The following TTC6 variants were observed in gnomAD, a reference collection of about 807,000 sequenced individuals.
TTC6 encodes the protein tetratricopeptide repeat protein 6.
Under a neutral mutation model 210.4 loss-of-function variants are expected in TTC6, and 172 were observed. The ratio of observed to expected loss-of-function variants is 0.82; its 90% confidence interval spans 0.72 to 0.93. The LOEUF (loss-of-function observed/expected upper bound fraction) is 0.93, where lower values mean the gene tolerates loss of function less well. Ranked by LOEUF, TTC6 falls within the 40% of genes least tolerant of loss-of-function variation. TTC6 has a pLI of 0.00. For synonymous variants in TTC6, 804 were observed against 819.6 expected (o/e 0.98, Z 0.32); for missense variants, 2,414 against 2,318.1 (o/e 1.04, Z -0.85).
chr14:37,725,461 C>T (rs2095871240), intron 7 of TTC6, among the ~76,000 whole-genome samples: 1 of 150,590 alleles, frequency 6.6e-6, no homozygotes, highest in South Asian at 2.1e-4. Context: ...AGCAATTCTC[C>T]TGCCTCAGCC....
At chr14:37,676,324 GT>G (rs983941742) in intron 1 of TTC6, among the ~76,000 whole-genome samples, 1 of 151,890 alleles carries the variant, frequency 6.6e-6, no homozygotes, top group Non-Finnish European at 1.5e-5. Context: ...TCTTTCTGTT[GT>G]TTTTTTCTAC....
intron 1 of TTC6, among the ~76,000 whole-genome samples, chr14:37,605,173 A>C (rs1453000617): frequency 6.6e-6 from 1 of 152,226 alleles, no homozygotes; most frequent in Non-Finnish European, 1.5e-5. Flanking sequence ...TCAGATATAG[A>C]TATGTCTGCT....
At chr14:37,692,285 A>G (rs527994206) in intron 3 of TTC6, among the ~76,000 whole-genome samples, 17 of 150,396 alleles carry the variant, frequency 1.1e-4, no homozygotes, top group African/African-American at 4.1e-4. Flanking sequence ...ATATTGTTGG[A>G]AAAATTCTCA....
intron 1 of TTC6, among the ~76,000 whole-genome samples, chr14:37,627,465 C>G (rs113079225): frequency 1.1e-3 from 160 of 152,064 alleles, no homozygotes; most frequent in African/African-American, 3.6e-3. Context: ...CCCCCCACCC[C>G]CTGACAGGCC....
chr14:37,805,660 A>G (rs1043289552), intron 21 of TTC6, among the ~76,000 whole-genome samples: 2 of 152,104 alleles, frequency 1.3e-5, no homozygotes, highest in Non-Finnish European at 2.9e-5. Flanking sequence ...AATGCGGGGA[A>G]AAATTTTAGA....
At chr14:37,841,797 T>C (rs2096210822) in intron 30 of TTC6, 127 bp downstream of exon 32, 5 of 797,988 alleles carry the variant, frequency 6.3e-6, no homozygotes, top group African/African-American at 1.8e-5. Flanking sequence ...TGTTTTTAGA[T>C]ATCATGTCCT....
chr14:37,652,343 TAGAA>T (rs1182711551), intron 1 of TTC6, among the ~76,000 whole-genome samples: 2 of 152,172 alleles, frequency 1.3e-5, no homozygotes, highest in Non-Finnish European at 2.9e-5. Flanking sequence ...CTGGCTGTGA[TAGAA>T]AGAAATTGGA....
chr14:37,596,608 T>A (rs10145379), intron 1 of TTC6, among the ~76,000 whole-genome samples: 1 of 152,092 alleles, frequency 6.6e-6, no homozygotes, highest in Non-Finnish European at 1.5e-5. Flanking sequence ...GCGTGTGTTT[T>A]GAGTGTGTGA....
chr14:37,597,598 C>A (rs978468440), intron 1 of TTC6, among the ~76,000 whole-genome samples: 1 of 152,130 alleles, frequency 6.6e-6, no homozygotes, highest in East Asian at 1.9e-4. Flanking sequence ...AGCGTGATGG[C>A]CGAAGCGGAA....
chr14:37,764,126 G>A (rs2095992023), intron 14 of TTC6, among the ~76,000 whole-genome samples: 1 of 151,896 alleles, frequency 6.6e-6, no homozygotes, highest in Non-Finnish European at 1.5e-5. Context: ...TTTATCCATT[G>A]TAGTTAGAAA....
chr14:37,749,516 TATTATAAC>T (rs973384007), intron 11 of TTC6, 115 bp downstream of exon 13: 14 of 611,214 alleles, frequency 2.3e-5, no homozygotes, highest in Non-Finnish European at 3.2e-5. Flanking sequence ...CATGTGGAAT[TATTATAAC>T]AGTATAATTA....
intron 1 of TTC6, among the ~76,000 whole-genome samples, chr14:37,626,889 C>T (rs2095661338): frequency 6.6e-6 from 1 of 152,170 alleles, no homozygotes; most frequent in South Asian, 2.1e-4. Flanking sequence ...CCCCACCACT[C>T]AAGGCTGAAT....
At chr14:37,675,569 A>G (rs2095767285) in intron 1 of TTC6, among the ~76,000 whole-genome samples, 1 of 151,926 alleles carries the variant, frequency 6.6e-6, no homozygotes, top group African/African-American at 2.4e-5. Flanking sequence ...ACCTACCATC[A>G]GTTTTTTTGG....
chr14:37,647,257 T>C (rs1247503032), intron 1 of TTC6, among the ~76,000 whole-genome samples: 1 of 152,178 alleles, frequency 6.6e-6, no homozygotes, highest in Admixed American at 6.6e-5. Flanking sequence ...TGATCTGATC[T>C]TGTTTTAAAG....
chr14:37,607,297 TC>T (rs1394539699), intron 2 of TTC6, among the ~76,000 whole-genome samples: 2 of 152,168 alleles, frequency 1.3e-5, no homozygotes, highest in Non-Finnish European at 2.9e-5. Context: ...CCTTGTGTGT[TC>T]CCCAAGGCCT....
At position 37,682,744 on chromosome 14, in the gene TTC6, A is replaced by G. The variant is rs1006324202; in HGVS notation, c.1051-14A>G. The G allele has an allele frequency of 2.9e-5, 44 of 1,533,090 alleles. No individual in the cohort carries two copies. In the African/African-American group the frequency reaches 5.6e-4, roughly 20 times the overall value. 95.0% of individuals were successfully genotyped at this position (1,533,090 alleles called of 1,614,324 possible). On this transcript the variant is annotated splice_polypyrimidine_tract_variant and intron_variant, in intron 2 of 30. Transcript: ENST00000553443. ...AAAAAAAAAGCATTCTTGCACATTT[A>G]CTTTTTCCAACAGAGCGTGCATAAG...
At chr14:37,767,072 A>G (rs1335479235) in intron 14 of TTC6, among the ~76,000 whole-genome samples, 2 of 152,118 alleles carry the variant, frequency 1.3e-5, no homozygotes, top group Non-Finnish European at 2.9e-5. Flanking sequence ...TTCTCATGAT[A>G]GTTTACTGAG....
intron 14 of TTC6, among the ~76,000 whole-genome samples, chr14:37,771,180 G>A (rs374780372): frequency 6.6e-6 from 1 of 152,266 alleles, no homozygotes; most frequent in Non-Finnish European, 1.5e-5. Flanking sequence ...TCCACTGTTA[G>A]TCTGATGGGC....
At chr14:37,840,428 C>T (rs2096207331) in intron 29 of TTC6, among the ~76,000 whole-genome samples, 1 of 152,152 alleles carries the variant, frequency 6.6e-6, no homozygotes, top group African/African-American at 2.4e-5. Flanking sequence ...GGAGCTGGTA[C>T]CATTCCTTCT....
Sources: gnomAD v4.1 joint callset for allele counts (sites outside exome capture counted in the v4.1 genomes callset) on GRCh38, gnomAD v4.1.1 for gene constraint, MANE v1.5 for transcripts, NCBI Gene and HGNC (gene_info 2026-07-23, HGNC 2026-07-21) for gene names.